Variants in OSBPL5 observed in about 807,000 individuals in gnomAD.
The protein encoded by OSBPL5 is oxysterol binding protein like 5, also known as oxysterol-binding protein-related protein 5.
A neutral mutation model predicts 111.2 loss-of-function variants in OSBPL5; 71 were observed. The ratio of observed to expected loss-of-function variants is 0.64; its 90% CI spans 0.53 to 0.78. OSBPL5 has a LOEUF of 0.78. Among genes scored for constraint, OSBPL5 ranks in the 30% least tolerant of loss-of-function variants. OSBPL5 has a pLI of 0.00. For missense variants in OSBPL5, 1,210 were observed against 1,189.3 expected (o/e 1.02, Z -0.26); for synonymous variants, 549 against 513.9 (o/e 1.07, Z -0.93).
intron 7 of OSBPL5, among the ~76,000 whole-genome samples, chr11:3,112,956 G>GA (rs917813974): frequency 2.0e-5 from 3 of 151,586 alleles, no homozygotes; most frequent in South Asian, 2.1e-4. Context: ...TCTAAGACAG[G>GA]AAAAAAAAAT....
At position 3,088,178 on chromosome 11, in the gene OSBPL5, C is replaced by G. The variant is rs2289998; in HGVS notation, c.*27G>C. ...GTGCCTGGGAGGGAGGGCTCAGGAC[C>G]GGCCAGGAGCTCTGCCCTCAGGGCT... On this transcript the variant is annotated 3_prime_UTR_variant, in exon 22 of 22. Coordinates refer to ENST00000263650, the MANE Select transcript of OSBPL5 (RefSeq NM_020896.4). The G allele has an allele frequency of 6.5e-7, 1 of 1,531,186 alleles. No homozygotes were observed. Among genetic ancestry groups the G allele is most frequent in the Non-Finnish European group, 8.8e-7 (1 of 1,135,316 alleles). The allele number at this position is 1,531,186 out of a possible 1,614,324, so 94.8% of individuals were successfully genotyped here.
rs1439898642 is a variant in OSBPL5 at position 3,154,259 on chromosome 11, C to A, written c.-22+10957G>T. Among the ~76,000 whole-genome samples, 1 of 152,226 alleles carries A rather than the reference C, an allele frequency of 6.6e-6. No homozygotes were observed. The highest frequency in any genetic ancestry group is 2.1e-4 in the South Asian group (1 of 4,836). On this transcript the variant is annotated intron_variant, in intron 1 of 21. Transcript: ENST00000263650. The surrounding 1 kb of genome is among the most constrained non-coding windows in gnomAD (Gnocchi z 4.9). ...CTGGGACCTGGAGAGCACGGCCCTG[C>A]GTGCAGCACCTGCCAGTAGGTAGCA...
At position 3,099,255 on chromosome 11, in the gene OSBPL5, G is replaced by T. The variant is rs111265688; in HGVS notation, c.1621+903C>A. Among the ~76,000 whole-genome samples, 1,009 of 152,310 alleles carry T rather than the reference G, an allele frequency of 6.6e-3. 11 individuals are homozygous for T. The highest frequency in any genetic ancestry group is 0.023 in the African/African-American group (970 of 41,560). ...TCCATCTAGTCACGTCTAATCATAA[G>T]GGATTTTTAGGGTAGTGCAACTATT... On this transcript the variant is annotated intron_variant, in intron 14 of 21. Transcript: ENST00000263650.
At chr11:3,093,140 G>A (rs1857124103) in intron 17 of OSBPL5, 88 bp from the exon 18 acceptor site, 2 of 1,345,316 alleles carry the variant, frequency 1.5e-6, no homozygotes, top group Non-Finnish European at 2.0e-6. Flanking sequence ...GCACCAGAAG[G>A]AAGGCACAGA....
chr11:3,139,971 C>A (rs1275853502), intron 1 of OSBPL5, among the ~76,000 whole-genome samples: 1 of 152,224 alleles, frequency 6.6e-6, no homozygotes, highest in Non-Finnish European at 1.5e-5. Context: ...CCTGGCAGGC[C>A]TGCAGAGGTG....
intron 1 of OSBPL5, among the ~76,000 whole-genome samples, chr11:3,158,169 C>T (rs575081465): frequency 5.3e-5 from 8 of 152,328 alleles, no homozygotes; most frequent in Admixed American, 2.0e-4. Flanking sequence ...TGTGGCCAAG[C>T]GGCCTGCCCC....
chr11:3,127,743 C>A (rs1858677047), intron 2 of OSBPL5, among the ~76,000 whole-genome samples: 2 of 152,132 alleles, frequency 1.3e-5, no homozygotes, highest in Non-Finnish European at 2.9e-5. Flanking sequence ...GACTCAAAGG[C>A]TGGGGCCCTT....
At position 3,109,477 on chromosome 11, in the gene OSBPL5, G is replaced by A. The variant is rs1431998395; in HGVS notation, c.692-1532C>T. 6.6e-6 allele frequency among the ~76,000 whole-genome samples: 1 copy of A among 152,184 alleles called. No homozygotes were observed. The highest frequency in any genetic ancestry group is 2.4e-5 in the African/African-American group (1 of 41,440). On this transcript the variant is annotated intron_variant, in intron 7 of 21. Transcript: ENST00000263650. This position sits in a 1 kb window ranked among gnomAD's most constrained non-coding sequence, Gnocchi z 7.4. Reference sequence around the variant, plus strand: ...CGGTTCTGTGCCTCTCTGAGCCTCTGCCTTTTCGAGCTCCTGGAGACAGTG... The same window carrying A: ...CGGTTCTGTGCCTCTCTGAGCCTCTACCTTTTCGAGCTCCTGGAGACAGTG...
intron 7 of OSBPL5, among the ~76,000 whole-genome samples, chr11:3,114,414 GA>G (rs1362334480): frequency 3.3e-5 from 5 of 151,902 alleles, no homozygotes; most frequent in Admixed American, 3.3e-4. Context: ...GGACAAACCA[GA>G]AAGTCCAAGC....
At chr11:3,101,829 G>C in intron 12 of OSBPL5, 130 bp from the exon 13 acceptor site, 1 of 769,308 alleles carries the variant, frequency 1.3e-6, no homozygotes. Flanking sequence ...CCCAGGATTC[G>C]GGTAGGGGCC....
chr11:3,121,525 C>T lies in OSBPL5; in HGVS notation c.402+472G>A, dbSNP rs1266361583. Among the ~76,000 whole-genome samples the T allele has an allele frequency of 3.3e-5, 5 of 152,014 alleles. No homozygotes were observed. The East Asian group carries it at 9.6e-4, about 29-fold the overall frequency. On this transcript the variant is annotated intron_variant, in intron 5 of 21. Transcript: ENST00000263650. This position sits in a 1 kb window ranked among gnomAD's most constrained non-coding sequence, Gnocchi z 4.3. ...GGCACACTTATCTGGTATGCGTTGCCCAGCAGCCTCGGAGTTGGGCAGTTT... is the reference window on the plus strand; with the variant it reads ...GGCACACTTATCTGGTATGCGTTGCTCAGCAGCCTCGGAGTTGGGCAGTTT...
At chr11:3,160,505 C>A (rs1435089295) in intron 1 of OSBPL5, among the ~76,000 whole-genome samples, 1 of 152,224 alleles carries the variant, frequency 6.6e-6, no homozygotes, top group East Asian at 1.9e-4. Flanking sequence ...GCGAATGGGA[C>A]CCACAGCGGC....
chr11:3,103,435 C>T, intron 10 of OSBPL5, 115 bp from the exon 11 acceptor site: 1 of 896,652 alleles, frequency 1.1e-6, no homozygotes, highest in Non-Finnish European at 1.7e-6. Flanking sequence ...TGGAAACAGG[C>T]CACTTGGCCC....
chr11:3,122,220 G>C (rs1192426944), intron 4 of OSBPL5, 122 bp from the exon 5 acceptor site: 5 of 1,327,020 alleles, frequency 3.8e-6, no homozygotes, highest in Non-Finnish European at 5.2e-6. Context: ...GGAGGAAGTA[G>C]GGGGTGTGGA....
intron 1 of OSBPL5, among the ~76,000 whole-genome samples, chr11:3,133,496 A>G (rs541986883): frequency 2.6e-5 from 4 of 152,342 alleles, no homozygotes; most frequent in South Asian, 2.1e-4. Context: ...CCCAGCCCTC[A>G]GGATTCTGCC....
chr11:3,118,254 C>T (rs116833090), intron 7 of OSBPL5, among the ~76,000 whole-genome samples: 4 of 152,228 alleles, frequency 2.6e-5, no homozygotes, highest in Admixed American at 1.3e-4. Context: ...CCTGCCCCCC[C>T]ATTCTATTCC....
In OSBPL5 at chr11:3,121,087, G is replaced by C. The variant is rs1300310845; in HGVS notation, c.403-463C>G. On this transcript the variant is annotated intron_variant, in intron 5 of 21. Transcript: ENST00000263650. This position sits in a 1 kb window ranked among gnomAD's most constrained non-coding sequence, Gnocchi z 4.3. Reference sequence around the variant, plus strand: ...TTTTTTTTTTTTTTTTTGAGACAGAGTCTCTGTTGCCCAGGCTGGAGGTGC... The same window carrying C: ...TTTTTTTTTTTTTTTTTGAGACAGACTCTCTGTTGCCCAGGCTGGAGGTGC... Among the ~76,000 whole-genome samples, 1 of 139,268 alleles carries C rather than the reference G, an allele frequency of 7.2e-6. No individual in the cohort carries two copies. Among genetic ancestry groups the C allele is most frequent in the African/African-American group, 2.7e-5 (1 of 37,298 alleles). The allele number at this position is 139,268 out of a possible 152,430, so 91.4% of individuals were successfully genotyped here. A position where few individuals can be genotyped will look rare whatever the true frequency, so the allele number is the denominator to read the frequency against.
chr11:3,136,138 G>T (rs1201747788), intron 1 of OSBPL5, among the ~76,000 whole-genome samples: 1 of 152,188 alleles, frequency 6.6e-6, no homozygotes, highest in Non-Finnish European at 1.5e-5. Flanking sequence ...CTGGGGAGGG[G>T]CCATGCTCTC....
chr11:3,090,030 T>C (rs982006242), intron 20 of OSBPL5, 82 bp from the exon 21 acceptor site: 1 of 1,097,788 alleles, frequency 9.1e-7, no homozygotes, highest in Non-Finnish European at 1.3e-6. Context: ...GGCACGTGGG[T>C]CACAGGGTCA....
Sources: gnomAD v4.1 joint callset for allele counts (sites outside exome capture counted in the v4.1 genomes callset) on GRCh38, gnomAD v4.1.1 for gene constraint, Gnocchi (gnomAD v3.1) non-coding constraint, MANE v1.5 for transcripts, NCBI Gene and HGNC (gene_info 2026-07-23, HGNC 2026-07-21) for gene names.